SYT10: variants seen among roughly 807,000 people sequenced by gnomAD.
The protein encoded by SYT10 is synaptotagmin 10.
In SYT10, 31 loss-of-function variants were observed where a neutral mutation model predicts 51.1. The ratio of observed to expected loss-of-function variants is 0.61; its 90% CI spans 0.46 to 0.82. The LOEUF (loss-of-function observed/expected upper bound fraction) is 0.82, where lower values mean the gene tolerates loss of function less well. Among genes scored for constraint, SYT10 ranks in the 40% least tolerant of loss-of-function variants. SYT10 has a pLI of 0.00. For synonymous variants in SYT10, 233 were observed against 225.9 expected (o/e 1.03, Z -0.28); for missense variants, 603 against 634.0 (o/e 0.95, Z 0.53).
chr12:33,378,745 G>A (rs997618772), intron 6 of SYT10, among the ~76,000 whole-genome samples: 1 of 152,034 alleles, frequency 6.6e-6, no homozygotes, highest in Non-Finnish European at 1.5e-5. Context: ...TTTCCAAGCC[G>A]TGAGCTACTC....
At chr12:33,421,424 A>G (rs1866503903) in intron 2 of SYT10, among the ~76,000 whole-genome samples, 1 of 152,144 alleles carries the variant, frequency 6.6e-6, no homozygotes, top group East Asian at 1.9e-4. Flanking sequence ...GTTACTATTC[A>G]CCTCGTCTTT....
chr12:33,426,633 G>T, intron 1 of SYT10, 138 bp from the exon 2 acceptor site: 1 of 820,248 alleles, frequency 1.2e-6, no homozygotes, highest in East Asian at 2.8e-5. Flanking sequence ...TATCTTTGTA[G>T]GAAGAAAAGG....
chr12:33,432,332 A>T (rs1866604200), intron 1 of SYT10: 1 of 152,100 alleles, frequency 6.6e-6, no homozygotes, highest in South Asian at 2.1e-4. Context: ...ATCTAAATTT[A>T]TTAAAAAGCT....
rs183465487 is a variant in SYT10, at chr12:33,386,181, T to C, written c.1078-890A>G. Among the ~76,000 whole-genome samples the C allele has an allele frequency of 9.1e-3, 1,387 of 152,172 alleles. 11 individuals are homozygous for C. Among genetic ancestry groups the C allele is most frequent in the Non-Finnish European group, 0.015 (1,047 of 67,988 alleles). On this transcript the variant is annotated intron_variant, in intron 3 of 6. Transcript: ENST00000228567. ...GATTACAGGCATGCAACACCACACC[T>C]GGCTAATTTTTGTATTTTTAGTTTC...
chr12:33,380,121 A>T (rs1480136278), intron 5 of SYT10, among the ~76,000 whole-genome samples, 160 bp from the exon 6 acceptor site: 4 of 152,248 alleles, frequency 2.6e-5, no homozygotes, highest in Non-Finnish European at 5.9e-5. Context: ...AAGTAAATCA[A>T]CATTTACTAA....
intron 3 of SYT10, among the ~76,000 whole-genome samples, chr12:33,391,183 C>T (rs1289244475): frequency 2.0e-5 from 3 of 152,166 alleles, no homozygotes; most frequent in Non-Finnish European, 4.4e-5. Flanking sequence ...GTGATCTGCC[C>T]ACCTTGGCCT....
chr12:33,421,591 G>C (rs1197227007), intron 2 of SYT10, among the ~76,000 whole-genome samples: 1 of 151,996 alleles, frequency 6.6e-6, no homozygotes, highest in African/African-American at 2.4e-5. Flanking sequence ...ATGAAGTGGA[G>C]GATGATCAAT....
At chr12:33,400,931 C>T (rs1049238289) in intron 3 of SYT10, among the ~76,000 whole-genome samples, 3 of 151,334 alleles carry the variant, frequency 2.0e-5, no homozygotes, top group South Asian at 2.1e-4. Context: ...GAGGCTGAGG[C>T]GGGAGAATTG....
chr12:33,435,288 G>T (rs1339150968), intron 1 of SYT10, among the ~76,000 whole-genome samples: 1 of 152,172 alleles, frequency 6.6e-6, no homozygotes, highest in Non-Finnish European at 1.5e-5. Context: ...AAAGCAAAAA[G>T]AAATTCCTGC....
At chr12:33,402,403 A>G (rs1866314618) in intron 3 of SYT10, among the ~76,000 whole-genome samples, 1 of 152,076 alleles carries the variant, frequency 6.6e-6, no homozygotes, top group Non-Finnish European at 1.5e-5. Flanking sequence ...TTCTATCATC[A>G]TGGAAAGGCA....
intron 3 of SYT10, among the ~76,000 whole-genome samples, chr12:33,386,907 C>A (rs1866161387): frequency 6.6e-6 from 1 of 152,130 alleles, no homozygotes; most frequent in Admixed American, 6.5e-5. Flanking sequence ...GCAGAACTGT[C>A]CACAGTACCC....
intron 2 of SYT10, among the ~76,000 whole-genome samples, chr12:33,421,957 T>C (rs2138428790): frequency 6.6e-6 from 1 of 152,178 alleles, no homozygotes; most frequent in East Asian, 1.9e-4. Flanking sequence ...AGTGCCCTTC[T>C]AGTGAGCAAC....
chr12:33,403,068 T>C (rs1193606394), intron 3 of SYT10, among the ~76,000 whole-genome samples: 1 of 152,108 alleles, frequency 6.6e-6, no homozygotes, highest in African/African-American at 2.4e-5. Context: ...TAAATTTTGG[T>C]CTAAATTACA....
chr12:33,414,340 G>A lies in SYT10; in HGVS notation c.510-6984C>T, dbSNP rs567451531. Among the ~76,000 whole-genome samples, 39 of 152,276 alleles carry A rather than the reference G, an allele frequency of 2.6e-4. 2 individuals are homozygous for A. The South Asian group carries it at 7.2e-3, about 28-fold the overall frequency. ...AGCTCTGCACCAAGCGGACCTAATA[G>A]ACATCTACAGAACTCTCCACCCCAA... On this transcript the variant is annotated intron_variant, in intron 2 of 6. Coordinates refer to ENST00000228567, the MANE Select transcript of SYT10 (RefSeq NM_198992.4).
chr12:33,419,975 A>T (rs1866488127), intron 2 of SYT10, among the ~76,000 whole-genome samples: 1 of 152,054 alleles, frequency 6.6e-6, no homozygotes, highest in African/African-American at 2.4e-5. Flanking sequence ...CTAGCTCTGG[A>T]TCTCTATGCT....
Position 33,425,888 on chromosome 12 carries a change from C to G in SYT10, c.509+250G>C, listed in dbSNP as rs182425742. On this transcript the variant is annotated intron_variant, in intron 2 of 6. Transcript: ENST00000228567. ...ACTGAGACCTCACATTCTGCTAAGC[C>G]CCTTTCATGGTCCTGCTCCCTATTT... Among the ~76,000 whole-genome samples, 569 of 152,100 alleles carry G rather than the reference C, an allele frequency of 3.7e-3. 4 individuals are homozygous for G. Among genetic ancestry groups the G allele is most frequent in the African/African-American group, 0.013 (549 of 41,492 alleles).
intron 3 of SYT10, among the ~76,000 whole-genome samples, chr12:33,397,685 C>G (rs1239744948): frequency 1.3e-4 from 20 of 151,958 alleles, no homozygotes; most frequent in Non-Finnish European, 2.9e-5. Context: ...GGTGAGGGAA[C>G]AGAGGGAACA....
chr12:33,389,040 G>T (rs1866181695), intron 3 of SYT10, among the ~76,000 whole-genome samples: 2 of 152,138 alleles, frequency 1.3e-5, no homozygotes, highest in African/African-American at 4.8e-5. Flanking sequence ...CATTAGGTTG[G>T]GCTTAAAGAA....
Position 33,407,280 on chromosome 12 carries a change from C to T in SYT10, c.586G>A (p.Val196Ile), listed in dbSNP as rs773163721. The change falls in exon 3 of 7, where the codon GTT becomes ATT. Residue 196 changes from valine to isoleucine, a missense_variant. Physicochemically the swap from Val to Ile is conservative, Grantham distance 29 (BLOSUM62 3). Transcript: ENST00000228567. ...SVDFSMGTEP[V>I]LQRGETTTSI... ...GTTGTTGTTTCTCCTCGTTGTAAAA[C>T]AGGTTCTGTGCCCATGCTAAAATCA... The T allele has an allele frequency of 3.0e-5, 48 of 1,613,070 alleles. No homozygotes were observed. The South Asian group carries it at 5.1e-4, about 17-fold the overall frequency.
Sources: allele counts gnomAD v4.1 joint callset (sites outside exome capture counted in the v4.1 genomes callset), GRCh38; gene constraint gnomAD v4.1.1; transcripts MANE v1.5; gene names NCBI Gene and HGNC (gene_info 2026-07-23, HGNC 2026-07-21).